RBFOX1: variants seen among roughly 807,000 people sequenced by gnomAD.
RBFOX1 encodes the protein RNA binding fox-1 homolog 1, also known as RNA binding protein fox-1 homolog 1.
In RBFOX1, 8 loss-of-function variants were observed where a neutral mutation model predicts 57.7. The ratio of observed to expected loss-of-function variants is 0.14; its 90% CI spans 0.08 to 0.25. RBFOX1 has a LOEUF of 0.25. Among genes scored for constraint, RBFOX1 ranks in the 10% least tolerant of loss-of-function variants. RBFOX1 has a pLI of 1.00. For missense variants in RBFOX1, 611 were observed against 548.5 expected, an observed-to-expected ratio of 1.11 and a Z score of -1.14; for synonymous variants, 326 against 222.4, an observed-to-expected ratio of 1.47 and a Z score of -4.15.
chr16:7,595,485 C>T (rs1419759231), intron 7 of RBFOX1, 64 bp from the exon 8 acceptor site: 4 of 1,277,914 alleles, frequency 3.1e-6, no homozygotes, highest in African/African-American at 3.0e-5. Context: ...GAGAACATTA[C>T]CAAGTGGTCG....
rs1361828113 is a variant in RBFOX1 at position 6,256,173 on chromosome 16, A to ATATATATGTATATATATG, written c.-126-60815_-126-60814insGTATATATATGTATATAT. ...TATATATATATGTATATATATATGT[A>ATATATATGTATATATATG]TATATATATATACGTATATATATGT... On this transcript the variant is annotated intron_variant, in intron 1 of 15. Coordinates refer to ENST00000550418, the MANE Select transcript of RBFOX1 (RefSeq NM_018723.4). Among the ~76,000 whole-genome samples, 101 of 14,072 alleles carry ATATATATGTATATATATG rather than the reference A, an allele frequency of 7.2e-3. 5 individuals carry two copies. The highest frequency in any genetic ancestry group is 0.012 in the African/African-American group (86 of 7,476). The allele number at this position is 14,072 out of a possible 152,430, so 9.2% of individuals were successfully genotyped here.
At chr16:6,703,685 T>C (rs2062212113) in intron 3 of RBFOX1, among the ~76,000 whole-genome samples, 1 of 151,994 alleles carries the variant, frequency 6.6e-6, no homozygotes, top group Non-Finnish European at 1.5e-5. Context: ...CCAGCCTGGA[T>C]GACACAGTTA....
At chr16:7,632,648 G>T (rs1473537146) in intron 11 of RBFOX1, among the ~76,000 whole-genome samples, 1 of 152,166 alleles carries the variant, frequency 6.6e-6, no homozygotes, top group Non-Finnish European at 1.5e-5. Flanking sequence ...AAAGAGAGTT[G>T]GTGTGCCAAA....
chr16:7,259,005 C>A (rs1428640225), intron 4 of RBFOX1, among the ~76,000 whole-genome samples: 2 of 152,166 alleles, frequency 1.3e-5, no homozygotes, highest in Non-Finnish European at 2.9e-5. Flanking sequence ...ATTCCCTCAC[C>A]TCTTGCCCCT....
At chr16:6,857,454 A>T (rs141422012) in intron 3 of RBFOX1, among the ~76,000 whole-genome samples, 1 of 152,136 alleles carries the variant, frequency 6.6e-6, no homozygotes, top group Non-Finnish European at 1.5e-5. Context: ...CCATTTTTCT[A>T]TTTACATGGT....
chr16:6,483,107 C>T (rs1277726964), intron 2 of RBFOX1: 3 of 1,018,222 alleles, frequency 2.9e-6, no homozygotes, highest in Non-Finnish European at 3.5e-6. Context: ...GGGACCCACG[C>T]AGCCCCAGTA....
intron 4 of RBFOX1, among the ~76,000 whole-genome samples, chr16:7,436,654 C>G (rs932290595): frequency 4.6e-5 from 7 of 152,224 alleles, no homozygotes; most frequent in East Asian, 3.9e-4. Context: ...GAGGATCACT[C>G]AGGAACCTTT....
chr16:5,935,602 T>G (rs2059152565), intron 4 of RBFOX1, among the ~76,000 whole-genome samples: 1 of 152,182 alleles, frequency 6.6e-6, no homozygotes, highest in African/African-American at 2.4e-5. Context: ...GGCTTGTATT[T>G]GAAATGCATA....
intron 2 of RBFOX1, among the ~76,000 whole-genome samples, chr16:6,607,244 C>G (rs1026807174): frequency 2.0e-5 from 3 of 152,086 alleles, no homozygotes; most frequent in African/African-American, 7.2e-5. Flanking sequence ...TTTGAACCAT[C>G]TTGGAACAAT....
At chr16:7,242,645 G>C (rs1343251153) in intron 4 of RBFOX1, among the ~76,000 whole-genome samples, 9 of 152,214 alleles carry the variant, frequency 5.9e-5, no homozygotes, top group Non-Finnish European at 1.0e-4. Flanking sequence ...TCAGCATGCA[G>C]TCAATTCAGT....
intron 2 of RBFOX1, among the ~76,000 whole-genome samples, chr16:6,425,409 C>A (rs1194133693): frequency 6.6e-6 from 1 of 152,118 alleles, no homozygotes; most frequent in Non-Finnish European, 1.5e-5. Context: ...TTAAAAATGG[C>A]AGTAGTGTTC....
intron 1 of RBFOX1, among the ~76,000 whole-genome samples, chr16:5,329,900 G>A (rs1008563213): frequency 4.0e-5 from 6 of 151,500 alleles, no homozygotes; most frequent in African/African-American, 2.4e-5. Context: ...ATGTGATGGC[G>A]TGAATCCGGG....
At chr16:6,231,063 T>G (rs2097455488) in intron 1 of RBFOX1, among the ~76,000 whole-genome samples, 1 of 152,118 alleles carries the variant, frequency 6.6e-6, no homozygotes, top group Middle Eastern at 3.2e-3. Context: ...AGATAGAAAC[T>G]AATTAAAGAA....
intron 14 of RBFOX1, among the ~76,000 whole-genome samples, chr16:7,686,893 G>C (rs779789352): frequency 1.3e-5 from 2 of 152,092 alleles, no homozygotes; most frequent in Non-Finnish European, 2.9e-5. Context: ...CCAAGTAATG[G>C]AGATGAACTT....
intron 4 of RBFOX1, among the ~76,000 whole-genome samples, chr16:7,066,656 C>G (rs2056116899): frequency 1.3e-5 from 2 of 152,170 alleles, no homozygotes; most frequent in Non-Finnish European, 2.9e-5. Flanking sequence ...ACTATAGCAG[C>G]AATTATAGAA....
At chr16:6,606,863 G>A (rs1306568424) in intron 2 of RBFOX1, among the ~76,000 whole-genome samples, 1 of 152,102 alleles carries the variant, frequency 6.6e-6, no homozygotes, top group Non-Finnish European at 1.5e-5. Flanking sequence ...ATTCCTTTGG[G>A]TATATACCCA....
intron 2 of RBFOX1, among the ~76,000 whole-genome samples, chr16:6,567,317 G>C (rs1164778654): frequency 6.6e-6 from 1 of 152,176 alleles, no homozygotes; most frequent in African/African-American, 2.4e-5. Context: ...AACACAGAGA[G>C]ATGGGGAAAC....
intron 4 of RBFOX1, among the ~76,000 whole-genome samples, chr16:7,177,167 A>C (rs1265904224): frequency 6.6e-6 from 1 of 152,194 alleles, no homozygotes; most frequent in Admixed American, 6.5e-5. Context: ...ATTTTTGTCC[A>C]GGAGTAGTTT....
intron 1 of RBFOX1, among the ~76,000 whole-genome samples, chr16:6,299,947 TTAAAA>T (rs1208441296): frequency 2.0e-5 from 3 of 152,070 alleles, no homozygotes; most frequent in Non-Finnish European, 4.4e-5. Flanking sequence ...GAACCTACAG[TTAAAA>T]TAAATCTAAC....
Sources: allele counts gnomAD v4.1 joint callset (sites outside exome capture counted in the v4.1 genomes callset), GRCh38; gene constraint gnomAD v4.1.1; transcripts MANE v1.5; gene names NCBI Gene and HGNC (gene_info 2026-07-23, HGNC 2026-07-21).